Variants in B4GALT1 observed in about 807,000 individuals in gnomAD.
B4GALT1 encodes the protein N-acetyllactosamine synthase.
B4GALT1 carries 16 observed loss-of-function variants against 34.9 expected under a neutral mutation model. The observed-to-expected ratio is 0.46, with a 90% CI of 0.31 to 0.70. The LOEUF is 0.70. B4GALT1 is among the 30% of genes least tolerant of loss of function. The pLI is 0.05. For synonymous variants in B4GALT1, 221 were observed against 218.1 expected, an observed-to-expected ratio of 1.01 and a Z score of -0.12; for missense variants, 445 against 530.5, an observed-to-expected ratio of 0.84 and a Z score of 1.58.
chr9:33,114,132 C>T (rs996286074), intron 4 of B4GALT1, among the ~76,000 whole-genome samples: 1 of 152,232 alleles, frequency 6.6e-6, no homozygotes, highest in Non-Finnish European at 1.5e-5. Flanking sequence ...CCGTGTGCCC[C>T]ACAGAATATA....
intron 1 of B4GALT1, among the ~76,000 whole-genome samples, chr9:33,151,655 A>C (rs1000096439): frequency 5.3e-5 from 8 of 152,184 alleles, no homozygotes; most frequent in Non-Finnish European, 7.3e-5. Flanking sequence ...ATGTTCAATA[A>C]ATGTTACTTT....
At chr9:33,184,052 G>C in the B4GALT1 span, among the ~76,000 whole-genome samples, 2 of 151,966 alleles carry the variant, frequency 1.3e-5, no homozygotes, top group Non-Finnish European at 2.9e-5. Context: ...ATAGCATTTA[G>C]AGAAATACCT....
chr9:33,149,907 T>C (rs1021293484), intron 1 of B4GALT1, among the ~76,000 whole-genome samples: 11 of 152,150 alleles, frequency 7.2e-5, no homozygotes, highest in African/African-American at 2.7e-4. Context: ...TACAAGACAC[T>C]AAGAGACATG....
chr9:33,149,970 C>T (rs767198002), intron 1 of B4GALT1, among the ~76,000 whole-genome samples: 2 of 152,126 alleles, frequency 1.3e-5, no homozygotes, highest in Non-Finnish European at 2.9e-5. Context: ...ATTATTGGGG[C>T]ACCTGACAAA....
intron 2 of B4GALT1, among the ~76,000 whole-genome samples, chr9:33,127,455 A>G (rs1362119726): frequency 6.6e-6 from 1 of 152,258 alleles, no homozygotes; most frequent in Non-Finnish European, 1.5e-5. Flanking sequence ...TCAGAAAGCA[A>G]TTTGGCCATC....
chr9:33,109,485 A>G (rs1839830379), downstream of B4GALT1, among the ~76,000 whole-genome samples: 1 of 152,244 alleles, frequency 6.6e-6, no homozygotes. Context: ...AGAAACCCCA[A>G]TTTATAGCTG....
At chr9:33,141,609 C>T (rs1268178027) in intron 1 of B4GALT1, among the ~76,000 whole-genome samples, 2 of 152,128 alleles carry the variant, frequency 1.3e-5, no homozygotes, top group Non-Finnish European at 2.9e-5. Context: ...AAACAATAAG[C>T]TAAAACTAGC....
chr9:33,126,622 T>A (rs1840104511), intron 2 of B4GALT1, among the ~76,000 whole-genome samples: 1 of 152,364 alleles, frequency 6.6e-6, no homozygotes, highest in Non-Finnish European at 1.5e-5. Flanking sequence ...TTAACCATAG[T>A]TAACCATTGT....
At chr9:33,114,309 G>A (rs1839909142) in intron 4 of B4GALT1, among the ~76,000 whole-genome samples, 2 of 152,216 alleles carry the variant, frequency 1.3e-5, no homozygotes, top group Non-Finnish European at 1.5e-5. Context: ...TAGCATTTTG[G>A]GCAGCCAGGA....
At position 33,113,500 on chromosome 9, in the gene B4GALT1, T is replaced by C. The variant is rs768043938; in HGVS notation, c.1151A>G (p.Tyr384Cys). 19 of 1,614,202 alleles carry C rather than the reference T, an allele frequency of 1.2e-5. No homozygotes were observed. Among genetic ancestry groups the C allele is most frequent in the Non-Finnish European group, 1.4e-5 (17 of 1,180,030 alleles). Reference protein sequence around the residue: ...LTYQVLDVQRYPLYTQITVDI... With the variant: ...LTYQVLDVQRCPLYTQITVDI... ...CACTGTGATTTGGGTATACAATGGG[T>C]ATCTCTGTACATCCAGCACCTGGTA... The change falls in exon 6 of 6, where the codon TAC (tyrosine) becomes TGC (cysteine). Residue 384 changes from tyrosine (Y) to cysteine (C), a missense_variant. By Grantham distance (194) the Tyr-to-Cys change is radical. Around this residue, in one of 3 missense-constraint regions of B4GALT1, gnomAD observed 89 missense variants for 107.6 expected, o/e 0.83. Coordinates refer to ENST00000379731, the MANE Select transcript of B4GALT1 (RefSeq NM_001497.4).
At chr9:33,180,992 G>A in the B4GALT1 span, among the ~76,000 whole-genome samples, 1 of 152,046 alleles carries the variant, frequency 6.6e-6, no homozygotes, top group Non-Finnish European at 1.5e-5. Flanking sequence ...ATTGTTAAAG[G>A]CCGACCCAGT....
intron 2 of B4GALT1, among the ~76,000 whole-genome samples, chr9:33,120,862 A>G (rs1024530919): frequency 3.9e-5 from 6 of 152,258 alleles, no homozygotes; most frequent in Non-Finnish European, 5.9e-5. Flanking sequence ...AATGTTCATC[A>G]TAACAAAAGA....
exon 3 of B4GALT1, chr9:33,104,550 G>A (rs1311332797): frequency 2.9e-6 from 1 of 345,058 alleles, no homozygotes; most frequent in African/African-American, 2.2e-5. Flanking sequence ...CTCGAGAACA[G>A]GTAGCCGCTG....
At chr9:33,129,144 T>C (rs1571436) in intron 2 of B4GALT1, among the ~76,000 whole-genome samples, 149,120 of 152,152 alleles carry the variant, frequency 0.98, 73,121 homozygotes, top group East Asian at 1. Context: ...GCCTTCCCTC[T>C]GCAGGAACAA....
In B4GALT1 at chr9:33,115,969, A is replaced by G. The variant is rs143412789; in HGVS notation, c.959+22T>C. The G allele has an allele frequency of 1.5e-3, 2,384 of 1,606,316 alleles. 37 individuals are homozygous for G. In the African/African-American group the frequency reaches 0.029, roughly 20 times the overall value. On this transcript the variant is annotated intron_variant, in intron 4 of 5. Transcript: ENST00000379731. ...AAGTGAAGGTTGACAGAGGAGAAAGATATCTAAGTTATGACCATTACCTGT... is the reference window on the plus strand; with the variant it reads ...AAGTGAAGGTTGACAGAGGAGAAAGGTATCTAAGTTATGACCATTACCTGT...
At chr9:33,176,247 T>G in the B4GALT1 span, among the ~76,000 whole-genome samples, 7 of 152,334 alleles carry the variant, frequency 4.6e-5, no homozygotes, top group African/African-American at 1.7e-4. Context: ...CCCGGTGTGC[T>G]CTTTTCATGT....
At chr9:33,166,308 G>A (rs1396705098) in intron 1 of B4GALT1, among the ~76,000 whole-genome samples, 2 of 152,172 alleles carry the variant, frequency 1.3e-5, no homozygotes, top group Non-Finnish European at 2.9e-5. Flanking sequence ...TGGCTCTATG[G>A]CAAGACACGT....
At chr9:33,143,281 C>T (rs1281848532) in intron 1 of B4GALT1, among the ~76,000 whole-genome samples, 1 of 152,218 alleles carries the variant, frequency 6.6e-6, no homozygotes, top group African/African-American at 2.4e-5. Flanking sequence ...CATCTGTGCT[C>T]AGAAACAGTC....
intron 1 of B4GALT1, among the ~76,000 whole-genome samples, chr9:33,150,003 A>G (rs1840486679): frequency 6.6e-6 from 1 of 152,184 alleles, no homozygotes; most frequent in African/African-American, 2.4e-5. Context: ...CCTGTAGATG[A>G]CATAGCAGAA....
Sources: gnomAD v4.1 joint callset for allele counts (sites outside exome capture counted in the v4.1 genomes callset) on GRCh38, gnomAD v4.1.1 for gene constraint, gnomAD v4.1.1 regional missense constraint, MANE v1.5 for transcripts, NCBI Gene and HGNC (gene_info 2026-07-23, HGNC 2026-07-21) for gene names.